Variants in ADA2 observed in about 807,000 individuals in gnomAD.
The protein encoded by ADA2 is adenosine deaminase CECR1.
ADA2 carries 29 observed loss-of-function variants against 44.2 expected under a neutral mutation model. The observed-to-expected ratio is 0.66, with a 90% confidence interval of 0.49 to 0.89. ADA2 has a LOEUF of 0.89. Ranked by LOEUF, ADA2 falls within the 40% of genes least tolerant of loss-of-function variation. ADA2 has a pLI of 0.00. For synonymous variants in ADA2, 215 were observed against 234.9 expected, an observed-to-expected ratio of 0.92 and a Z score of 0.77; for missense variants, 637 against 644.8, an observed-to-expected ratio of 0.99 and a Z score of 0.13.
intron 4 of ADA2, among the ~76,000 whole-genome samples, chr22:17,195,454 G>C (rs546102905): frequency 6.6e-6 from 1 of 152,036 alleles, no homozygotes; most frequent in Non-Finnish European, 1.5e-5. Context: ...GCTTGAACCC[G>C]GGAGTTGGAG....
At chr22:17,213,004 G>C (rs1420577738) in intron 1 of ADA2, among the ~76,000 whole-genome samples, 6 of 150,398 alleles carry the variant, frequency 4.0e-5, no homozygotes, top group Admixed American at 6.6e-5. Flanking sequence ...TGCCATGGCT[G>C]GTCTCAAACT....
chr22:17,193,436 G>T lies in ADA2; in HGVS notation c.754-1626C>A, dbSNP rs557703694. On this transcript the variant is annotated intron_variant, in intron 4 of 9. Transcript: ENST00000399837. ...AATCCCAGCACTTTGGGCGGTCGAG[G>T]TGGGTGGATCACGAGGTCATGAGTT... 2.3e-4 allele frequency: 84 copies of T among 369,330 alleles called. 4 individuals are homozygous for T. In the South Asian group the frequency reaches 2.4e-3, roughly 10 times the overall value. 22.9% of individuals were successfully genotyped at this position (369,330 alleles called of 1,614,324 possible). A position where few individuals can be genotyped will look rare whatever the true frequency, so the allele number is the denominator to read the frequency against.
chr22:17,195,332 T>C (rs1490071532), intron 4 of ADA2, among the ~76,000 whole-genome samples: 3 of 152,050 alleles, frequency 2.0e-5, no homozygotes, highest in African/African-American at 4.8e-5. Flanking sequence ...AGTTGGAGAC[T>C]ATCCTGGCCA....
At chr22:17,214,269 A>G in intron 1 of ADA2, 1 of 299,028 alleles carries the variant, frequency 3.3e-6, no homozygotes. Context: ...ACACCCTCGC[A>G]TCTTCTGCTA....
intron 4 of ADA2, chr22:17,199,630 T>C: frequency 6.2e-7 from 1 of 1,613,750 alleles, no homozygotes; most frequent in South Asian, 1.1e-5. Context: ...GGGATCGCCA[T>C]TTGAGGTGGG....
intron 4 of ADA2, among the ~76,000 whole-genome samples, chr22:17,194,702 A>G (rs2062168189): frequency 6.6e-6 from 1 of 151,648 alleles, no homozygotes; most frequent in African/African-American, 2.4e-5. Context: ...GGGCTACTGA[A>G]CTTTAAGGCT....
At chr22:17,199,413 G>A in intron 4 of ADA2, 2 of 158,104 alleles carry the variant, frequency 1.3e-5, no homozygotes, top group East Asian at 6.9e-5. Flanking sequence ...CTGTCTCAGC[G>A]TCTCCTCCCT....
chr22:17,207,326 T>G (rs749938929), intron 2 of ADA2, 36 bp from the exon 3 acceptor site: 3 of 1,483,056 alleles, frequency 2.0e-6, no homozygotes, highest in Non-Finnish European at 2.8e-6. Flanking sequence ...GACAAAGGGG[T>G]GAAGTCCCAT....
chr22:17,209,577 C>G lies in ADA2; in HGVS notation c.101G>C (p.Arg34Pro), dbSNP rs767960747. The change falls in exon 2 of 10, where the codon CGG becomes CCG. Residue 34 changes from arginine (R) to proline (P), a missense_variant. Arg to Pro is a moderately radical substitution (Grantham distance 103). Coordinates refer to ENST00000399837, the MANE Select transcript of ADA2 (RefSeq NM_001282225.2). ...FGSALSIDETRAHLLLKEKMM... is the reference protein window; with the variant it reads ...FGSALSIDETPAHLLLKEKMM... ...CTTTTCTTTCAACAACAGATGCGCCCGTGTTTCATCTATGGATAGAGCTGA... is the reference window on the plus strand; with the variant it reads ...CTTTTCTTTCAACAACAGATGCGCCGGTGTTTCATCTATGGATAGAGCTGA... 1.9e-6 allele frequency: 3 copies of G among 1,614,062 alleles called. No individual in the cohort carries two copies. Among genetic ancestry groups the G allele is most frequent in the South Asian group, 1.1e-5 (1 of 91,070 alleles).
Position 17,202,278 on chromosome 22 carries a change from C to T in ADA2, c.753+1285G>A, listed in dbSNP as rs113062815. ...CCAAGTAGCTAGAAGTACAGGCATG[C>T]GCCATCGCGCCCAGCTAATTTTTGT... is the stretch of plus-strand genomic sequence containing the variant. On this transcript the variant is annotated intron_variant, in intron 4 of 9. Coordinates refer to ENST00000399837, the MANE Select transcript of ADA2 (RefSeq NM_001282225.2). 3.7e-3 allele frequency among the ~76,000 whole-genome samples: 561 copies of T among 152,086 alleles called. 4 individuals are homozygous for T. Among genetic ancestry groups the T allele is most frequent in the African/African-American group, 0.013 (528 of 41,464 alleles).
intron 4 of ADA2, chr22:17,193,182 A>G: frequency 1.4e-6 from 2 of 1,384,960 alleles, no homozygotes; most frequent in Non-Finnish European, 2.0e-6. Flanking sequence ...ATGTGCAACA[A>G]TCTCCCTGTG....
At chr22:17,197,981 T>C (rs1481123688) in intron 4 of ADA2, among the ~76,000 whole-genome samples, 1 of 150,138 alleles carries the variant, frequency 6.7e-6, no homozygotes, top group Non-Finnish European at 1.5e-5. Flanking sequence ...GAGGTTGCGG[T>C]GAGCCAAGAT....
chr22:17,190,118 G>C, intron 5 of ADA2, 86 bp from the exon 6 acceptor site: 2 of 1,103,738 alleles, frequency 1.8e-6, no homozygotes, highest in Admixed American at 1.8e-5. Flanking sequence ...GCAGGGCTGG[G>C]CCAGCCCCAA....
intron 3 of ADA2, among the ~76,000 whole-genome samples, chr22:17,204,304 T>A (rs2013910): frequency 0.42 from 63,136 of 151,940 alleles, 13,861 homozygotes; most frequent in Middle Eastern, 0.51. Context: ...GGCTCTACCC[T>A]AATAAGATGG....
chr22:17,209,428 T>C lies in ADA2; in HGVS notation c.250A>G (p.Met84Val), dbSNP rs143853882. 5.9e-5 allele frequency: 96 copies of C among 1,614,152 alleles called. No individual in the cohort carries two copies. In the African/African-American group the frequency reaches 1.2e-3, roughly 20 times the overall value. ...AGATGCTTGGCCTGGAAAAAGTGCA[T>C]GCTGGGTGGGAATATCAGGGTCCTC... ...AMRTLIFPPSMHFFQAKHLIE... is the reference protein window; with the variant it reads ...AMRTLIFPPSVHFFQAKHLIE... The change falls in exon 2 of 10, where the codon ATG becomes GTG. Residue 84 changes from methionine to valine, a missense_variant. By Grantham distance (21) the Met-to-Val change is conservative. Coordinates refer to ENST00000399837, the MANE Select transcript of ADA2 (RefSeq NM_001282225.2).
At chr22:17,217,990 C>T (rs533780816) in intron 1 of ADA2, among the ~76,000 whole-genome samples, 100 of 152,288 alleles carry the variant, frequency 6.6e-4, no homozygotes, top group African/African-American at 2.4e-3. Context: ...GTCTCCAGAT[C>T]TCAGTGTCCT....
At chr22:17,185,372 T>C (rs532930395) in intron 7 of ADA2, among the ~76,000 whole-genome samples, 15 of 151,800 alleles carry the variant, frequency 9.9e-5, no homozygotes, top group Admixed American at 7.9e-4. Flanking sequence ...GTTGAGATCG[T>C]GCCACTGCAC....
In ADA2 at chr22:17,207,159, T is replaced by C. The variant is rs2062362207; in HGVS notation, c.454A>G (p.Thr152Ala). The C allele has an allele frequency of 6.2e-7, 1 of 1,614,044 alleles. No homozygotes were observed. Among genetic ancestry groups the C allele is most frequent in the Non-Finnish European group, 8.5e-7 (1 of 1,180,002 alleles). Residue 152 changes from threonine (T) to alanine (A), a missense_variant, in exon 3 of 10, where the codon ACT becomes GCT. Thr to Ala is a moderately conservative substitution (Grantham distance 58). Transcript: ENST00000399837. ...GAACATTTTTCTGATGGACGGGGAG[T>C]TGGGTGAGCAAATCTGAACTGCATG... The part of the protein sequence containing the change: ...GIMQFRFAHP[T>A]PRPSEKCSKW...
chr22:17,220,105 A>G (rs2062512325), upstream of ADA2, among the ~76,000 whole-genome samples: 1 of 152,016 alleles, frequency 6.6e-6, no homozygotes, highest in Non-Finnish European at 1.5e-5. Context: ...CTGTTCATGA[A>G]CTCTGGGAAG....
Sources: gnomAD v4.1 joint callset for allele counts (sites outside exome capture counted in the v4.1 genomes callset) on GRCh38, gnomAD v4.1.1 for gene constraint, MANE v1.5 for transcripts, NCBI Gene and HGNC (gene_info 2026-07-23, HGNC 2026-07-21) for gene names.